Variants in SOX6 observed in about 807,000 individuals in gnomAD.
SOX6 encodes transcription factor SOX-6.
Under a neutral mutation model 97.8 loss-of-function variants are expected in SOX6, and 11 were observed. The observed-to-expected ratio is 0.11, with a 90% CI of 0.07 to 0.19. The LOEUF (loss-of-function observed/expected upper bound fraction) is 0.19, where lower values mean the gene tolerates loss of function less well. Ranked by LOEUF, SOX6 falls within the 10% of genes least tolerant of loss-of-function variation. The pLI is 1.00. For missense variants in SOX6, 810 were observed against 1,039.5 expected, an observed-to-expected ratio of 0.78 and a Z score of 3.04; for synonymous variants, 360 against 371.4, an observed-to-expected ratio of 0.97 and a Z score of 0.35.
Position 16,272,966 on chromosome 11 carries a change from G to A in SOX6, c.446-38295C>T, listed in dbSNP as rs141558154. Among the ~76,000 whole-genome samples the A allele has an allele frequency of 7.2e-5, 11 of 151,924 alleles. No individual in the cohort carries two copies. In the East Asian group the frequency reaches 1.9e-3, roughly 27 times the overall value. On this transcript the variant is annotated intron_variant, in intron 3 of 15. Coordinates refer to ENST00000683767, the MANE Select transcript of SOX6 (RefSeq NM_001367873.1). ...TATTAGCAATCAAGTCTCTTCTCAT[G>A]GTTTAAGTCAAAATGTTACCTGAAA...
At chr11:16,628,960 T>G (rs1350888009) in intron 3 of SOX6, among the ~76,000 whole-genome samples, 1 of 152,214 alleles carries the variant, frequency 6.6e-6, no homozygotes, top group East Asian at 1.9e-4. Context: ...ATCCTGAAAC[T>G]TTACTGAAGT....
Position 16,610,226 on chromosome 11 carries a change from C to A in SOX6, n.609+1855G>T, listed in dbSNP as rs983270314. On this transcript the variant is annotated intron_variant and non_coding_transcript_variant, in intron 4 of 5. Transcript: ENST00000524520. The surrounding 1 kb of genome is among the most constrained non-coding windows in gnomAD (Gnocchi z 4.4). ...AAGAGGTCATCATTGAAGGACCTGTCCTAAATGCCTGCAGAGAGGAGACAG... is the reference window on the plus strand; with the variant it reads ...AAGAGGTCATCATTGAAGGACCTGTACTAAATGCCTGCAGAGAGGAGACAG... 3.9e-5 allele frequency among the ~76,000 whole-genome samples: 6 copies of A among 152,200 alleles called. No homozygotes were observed. Among genetic ancestry groups the A allele is most frequent in the Non-Finnish European group, 8.8e-5 (6 of 68,030 alleles).
chr11:16,567,746 T>TTG lies in SOX6; in HGVS notation n.609+44334_609+44335insCA, dbSNP rs1222075049. ...CACGCCTGGCTGATTTTTTTTTTTT[T>TTG]TTGTATTTTTAGTAGAGACGGGGTT... On this transcript the variant is annotated intron_variant and non_coding_transcript_variant, in intron 4 of 5. Coordinates refer to the SOX6 transcript ENST00000524520. 6.9e-3 allele frequency among the ~76,000 whole-genome samples: 1,035 copies of TTG among 149,128 alleles called. 13 individuals are homozygous for TTG. The highest frequency in any genetic ancestry group is 0.015 in the Admixed American group (220 of 15,032).
intron 4 of SOX6, among the ~76,000 whole-genome samples, chr11:16,188,797 C>T (rs1225876993): frequency 1.3e-5 from 2 of 152,046 alleles, no homozygotes; most frequent in Non-Finnish European, 2.9e-5. Flanking sequence ...GGCACGGTGG[C>T]TCATGTCTGT....
At chr11:16,225,425 G>A (rs1590043911) in intron 4 of SOX6, among the ~76,000 whole-genome samples, 1 of 143,726 alleles carries the variant, frequency 7.0e-6, no homozygotes, top group Non-Finnish European at 1.5e-5. Flanking sequence ...AACCACTCTA[G>A]TCCTTCTGTG....
intron 4 of SOX6, among the ~76,000 whole-genome samples, chr11:16,525,268 T>C (rs1861138668): frequency 2.0e-5 from 3 of 151,986 alleles, no homozygotes; most frequent in African/African-American, 7.3e-5. Flanking sequence ...AGCATGGTAC[T>C]GGTACCAAAA....
intron 6 of SOX6, among the ~76,000 whole-genome samples, chr11:16,169,575 T>C (rs1392545897): frequency 6.6e-6 from 1 of 151,120 alleles, no homozygotes; most frequent in Admixed American, 6.6e-5. Context: ...CTTTAACAGA[T>C]GGATTTTCTT....
chr11:15,996,325 C>A (rs761061930), intron 13 of SOX6, among the ~76,000 whole-genome samples: 4 of 151,958 alleles, frequency 2.6e-5, no homozygotes, highest in Admixed American at 6.6e-5. Context: ...CTTAGAAAAA[C>A]CAATTTAAAA....
chr11:16,538,580 T>C (rs1861347301), intron 4 of SOX6, among the ~76,000 whole-genome samples: 1 of 152,058 alleles, frequency 6.6e-6, no homozygotes, highest in South Asian at 2.1e-4. Context: ...AGGAGACCCA[T>C]CTCATGTGCA....
chr11:16,516,805 G>T lies in SOX6; in HGVS notation n.610-40417C>A, dbSNP rs1860981694. The stretch of plus-strand genomic sequence containing the variant: ...ACTATTCCAATCAATAGAAAAAGAG[G>T]GAATCCTCCCTAACTCATTTTATGA... On this transcript the variant is annotated intron_variant and non_coding_transcript_variant, in intron 4 of 5. Coordinates refer to the SOX6 transcript ENST00000524520. Among the ~76,000 whole-genome samples, 3 of 149,666 alleles carry T rather than the reference G, an allele frequency of 2.0e-5. No individual in the cohort carries two copies. The South Asian group carries it at 6.5e-4, about 32-fold the overall frequency.
At chr11:16,583,616 T>TATATATATATACACACACAC (rs1458991977) in intron 4 of SOX6, among the ~76,000 whole-genome samples, 1 of 52,502 alleles carries the variant, frequency 1.9e-5, no homozygotes, top group East Asian at 1.2e-3. Context: ...TATATATACA[T>TATATATATATACACACACAC]ATATATATAT....
intron 3 of SOX6, among the ~76,000 whole-genome samples, chr11:16,655,314 C>G (rs1847706969): frequency 6.6e-6 from 1 of 152,144 alleles, no homozygotes; most frequent in Non-Finnish European, 1.5e-5. Flanking sequence ...ATCTTCCTAG[C>G]ATTCCACCCA....
At chr11:16,217,023 A>G (rs1478012636) in intron 4 of SOX6, among the ~76,000 whole-genome samples, 1 of 152,240 alleles carries the variant, frequency 6.6e-6, no homozygotes, top group Non-Finnish European at 1.5e-5. Flanking sequence ...AGCTCCTTTC[A>G]GTAACCGGTT....
intron 6 of SOX6, among the ~76,000 whole-genome samples, chr11:16,153,381 C>G (rs1328283761): frequency 6.6e-6 from 1 of 152,020 alleles, no homozygotes; most frequent in Non-Finnish European, 1.5e-5. Flanking sequence ...ATAGTTGTCC[C>G]AAATTTGTTT....
intron 3 of SOX6, among the ~76,000 whole-genome samples, chr11:16,674,047 G>A (rs190940510): frequency 7.2e-5 from 11 of 151,956 alleles, no homozygotes; most frequent in South Asian, 2.1e-4. Flanking sequence ...AAAATTAGCC[G>A]GGCCTGGTGG....
At chr11:16,340,097 A>G (rs541525214) in intron 2 of SOX6, among the ~76,000 whole-genome samples, 6 of 152,256 alleles carry the variant, frequency 3.9e-5, no homozygotes, top group Non-Finnish European at 7.4e-5. Flanking sequence ...TCTCTGAGAC[A>G]TTAAGCATCA....
At chr11:16,658,504 C>A (rs1847741415) in intron 3 of SOX6, among the ~76,000 whole-genome samples, 2 of 152,028 alleles carry the variant, frequency 1.3e-5, no homozygotes, top group Non-Finnish European at 2.9e-5. Flanking sequence ...GTCAGAAGAT[C>A]GAGACCATCC....
intron 6 of SOX6, among the ~76,000 whole-genome samples, chr11:16,148,323 C>G (rs1333722507): frequency 2.0e-5 from 3 of 152,082 alleles, no homozygotes; most frequent in Admixed American, 2.0e-4. Context: ...CTGTTGTCTT[C>G]ACAATTGCCT....
intron 4 of SOX6, among the ~76,000 whole-genome samples, chr11:16,487,504 G>T (rs1366495229): frequency 3.9e-5 from 6 of 152,142 alleles, no homozygotes; most frequent in Admixed American, 3.9e-4. Context: ...AAGAGGAGAG[G>T]ATTCCTATCC....
Sources: gnomAD v4.1 joint callset for allele counts (sites outside exome capture counted in the v4.1 genomes callset) on GRCh38, gnomAD v4.1.1 for gene constraint, Gnocchi (gnomAD v3.1) non-coding constraint, MANE v1.5 for transcripts, NCBI Gene and HGNC (gene_info 2026-07-23, HGNC 2026-07-21) for gene names.